LCOR: variants seen among roughly 807,000 people sequenced by gnomAD.
LCOR encodes ligand-dependent corepressor.
In LCOR, 14 loss-of-function variants were observed where a neutral mutation model predicts 64.4. The observed-to-expected ratio is 0.22, with a 90% CI of 0.14 to 0.34. The LOEUF (loss-of-function observed/expected upper bound fraction) is 0.34, where lower values mean the gene tolerates loss of function less well. Ranked by LOEUF, LCOR falls within the 10% of genes least tolerant of loss-of-function variation. The pLI is 1.00. For missense variants in LCOR, 1,686 were observed against 1,765.3 expected (o/e 0.96, Z 0.80); for synonymous variants, 643 against 642.5 (o/e 1.00, Z -0.01).
At position 96,985,225 on chromosome 10, in the gene LCOR, C is replaced by A; in HGVS notation, c.*91C>A. 7.0e-7 allele frequency: 1 copy of A among 1,420,314 alleles called. No homozygotes were observed. The highest frequency in any genetic ancestry group is 2.4e-5 in the East Asian group (1 of 41,174). The allele number at this position is 1,420,314 out of a possible 1,614,324, so 88.0% of individuals were successfully genotyped here. A position where few individuals can be genotyped will look rare whatever the true frequency, so the allele number is the denominator to read the frequency against. Reference sequence around the variant, plus strand: ...AATCTGCTTTTATAAGCTTATCAAGCCTTTCAAATTTACAGTTAATGGAGA... The same window carrying A: ...AATCTGCTTTTATAAGCTTATCAAGACTTTCAAATTTACAGTTAATGGAGA... On this transcript the variant is annotated 3_prime_UTR_variant, in exon 8 of 8. Coordinates refer to ENST00000421806, the MANE Select transcript of LCOR (RefSeq NM_001346516.2).
chr10:96,838,161 C>G (rs1449183808), intron 2 of LCOR, among the ~76,000 whole-genome samples: 2 of 152,180 alleles, frequency 1.3e-5, no homozygotes, highest in East Asian at 3.8e-4. Flanking sequence ...TACAGTGGTC[C>G]ATACCTTGAA....
chr10:96,902,995 G>A (rs541577868), intron 2 of LCOR, among the ~76,000 whole-genome samples: 12 of 152,292 alleles, frequency 7.9e-5, no homozygotes, highest in Admixed American at 7.8e-4. Context: ...AATCTGTACA[G>A]CACATTACTG....
chr10:96,957,920 A>G, intron 7 of LCOR: 1 of 986,362 alleles, frequency 1.0e-6, no homozygotes, highest in Non-Finnish European at 1.2e-6. Context: ...TGGGTTCAAT[A>G]GCATTTTATG....
chr10:96,939,321 A>ACC (rs1240285443), intron 4 of LCOR, among the ~76,000 whole-genome samples: 2 of 152,192 alleles, frequency 1.3e-5, no homozygotes, highest in African/African-American at 4.8e-5. Flanking sequence ...ATGAGGTTGG[A>ACC]CCCCTTCCTT....
intron 2 of LCOR, among the ~76,000 whole-genome samples, chr10:96,864,107 A>G (rs916623849): frequency 6.6e-6 from 1 of 152,170 alleles, no homozygotes; most frequent in African/African-American, 2.4e-5. Flanking sequence ...CTTAAGGTCC[A>G]ATATCTTAGA....
chr10:96,869,569 CT>C lies in LCOR; in HGVS notation c.-330+36106del, dbSNP rs1267246069. Among the ~76,000 whole-genome samples the C allele has an allele frequency of 6.8e-3, 908 of 133,994 alleles. 6 individuals carry two copies. Among genetic ancestry groups the C allele is most frequent in the African/African-American group, 0.016 (589 of 36,794 alleles). 87.9% of individuals were successfully genotyped at this position (133,994 alleles called of 152,430 possible). On this transcript the variant is annotated intron_variant, in intron 2 of 7. Coordinates refer to ENST00000421806, the MANE Select transcript of LCOR (RefSeq NM_001346516.2). ...TCAGTAGTTCGTTCATTGGTTCTTT[CT>C]TTTTTTTTTTTTTTTCTTTTTTTAG...
chr10:96,859,264 C>T (rs577115869), intron 2 of LCOR, among the ~76,000 whole-genome samples: 39 of 152,164 alleles, frequency 2.6e-4, no homozygotes, highest in Non-Finnish European at 5.1e-4. Context: ...GGCTGGAGTG[C>T]AATGGCACAA....
At chr10:96,905,566 C>T (rs1009530809) in intron 2 of LCOR, among the ~76,000 whole-genome samples, 1 of 152,072 alleles carries the variant, frequency 6.6e-6, no homozygotes, top group African/African-American at 2.4e-5. Context: ...CTAGCATTTT[C>T]TTCTCTTCTC....
chr10:96,946,482 A>G (rs186322299), intron 5 of LCOR, among the ~76,000 whole-genome samples: 1 of 152,186 alleles, frequency 6.6e-6, no homozygotes, highest in East Asian at 1.9e-4. Context: ...TGTCACTTGT[A>G]TTAAAAAAGT....
At chr10:96,967,219 TC>T (rs1477710792) in intron 7 of LCOR, among the ~76,000 whole-genome samples, 15 of 152,106 alleles carry the variant, frequency 9.9e-5, no homozygotes, top group African/African-American at 3.1e-4. Flanking sequence ...AACCTCCACT[TC>T]CCAGGTTCAC....
chr10:96,833,344 G>A, intron 1 of LCOR, 62 bp from the exon 2 acceptor site: 2 of 971,110 alleles, frequency 2.1e-6, no homozygotes, highest in Non-Finnish European at 2.4e-6. Context: ...CGCCCCGGGA[G>A]GGGCCGGGCG....
intron 2 of LCOR, among the ~76,000 whole-genome samples, chr10:96,843,765 A>G (rs1021307726): frequency 6.6e-6 from 1 of 152,210 alleles, no homozygotes; most frequent in African/African-American, 2.4e-5. Context: ...TCTTGGTTGT[A>G]TCCTTTTGTA....
chr10:96,843,254 T>A (rs567209509), intron 2 of LCOR, among the ~76,000 whole-genome samples: 3 of 151,662 alleles, frequency 2.0e-5, no homozygotes, highest in African/African-American at 7.3e-5. Context: ...GCCCCTGGAG[T>A]ATCTGGGAAT....
At chr10:96,965,490 GT>G (rs970861722) in intron 7 of LCOR, among the ~76,000 whole-genome samples, 2 of 149,696 alleles carry the variant, frequency 1.3e-5, no homozygotes, top group African/African-American at 4.9e-5. Context: ...GTGAAACCCC[GT>G]CTCTACTAAA....
At chr10:96,873,343 G>A (rs1846103796) in intron 2 of LCOR, among the ~76,000 whole-genome samples, 1 of 152,098 alleles carries the variant, frequency 6.6e-6, no homozygotes, top group South Asian at 2.1e-4. Flanking sequence ...ATTTTAGACA[G>A]TGGTTGTGCT....
chr10:96,926,986 T>TTAAATCTTCATGACCAA, intron 4 of LCOR, among the ~76,000 whole-genome samples: 1 of 152,310 alleles, frequency 6.6e-6, no homozygotes, highest in Middle Eastern at 3.4e-3. Context: ...GACTTAATTG[T>TTAAATCTTCATGACCAA]GTACATCTTT....
Position 96,949,210 on chromosome 10 carries a change from T to G in LCOR, c.153T>G (p.Pro51=), listed in dbSNP as rs1847636273. The G allele has an allele frequency of 2.5e-6, 4 of 1,614,142 alleles. No individual in the cohort carries two copies. The highest frequency in any genetic ancestry group is 3.4e-6 in the Non-Finnish European group (4 of 1,180,004). The change falls in exon 6 of 8, where the codon CCT becomes CCG. Residue 51 remains proline, a synonymous_variant. Coordinates refer to ENST00000421806, the MANE Select transcript of LCOR (RefSeq NM_001346516.2). The part of the protein sequence containing the change: ...TSPTAATTQN[P]VLSKLLMADQ... ...CCACGGCTGCAACTACTCAGAACCC[T>G]GTGCTCAGCAAACTTCTCATGGCTG...
chr10:96,834,009 T>A (rs532197874), intron 2 of LCOR, among the ~76,000 whole-genome samples: 6 of 152,158 alleles, frequency 3.9e-5, no homozygotes, highest in Non-Finnish European at 8.8e-5. Flanking sequence ...GACAGGAGGG[T>A]CTGCCCTTTA....
At chr10:96,903,401 G>T (rs1207658265) in intron 2 of LCOR, among the ~76,000 whole-genome samples, 1 of 152,068 alleles carries the variant, frequency 6.6e-6, no homozygotes, top group Admixed American at 6.6e-5. Flanking sequence ...AAACATCGTT[G>T]TGTGGCATGT....
Sources: gnomAD v4.1 joint callset for allele counts (sites outside exome capture counted in the v4.1 genomes callset) on GRCh38, gnomAD v4.1.1 for gene constraint, MANE v1.5 for transcripts, NCBI Gene and HGNC (gene_info 2026-07-23, HGNC 2026-07-21) for gene names.